Variants in PCDHA2 observed in about 807,000 individuals in gnomAD.
PCDHA2 encodes protocadherin alpha 2.
PCDHA2 carries 58 observed loss-of-function variants against 66.0 expected under a neutral mutation model. That is an observed-to-expected ratio of 0.88 (90% CI 0.71 to 1.09). The LOEUF is 1.09. Among genes scored for constraint, PCDHA2 ranks in the 50% least tolerant of loss-of-function variants. The pLI is 0.00. For missense variants in PCDHA2, 1,267 were observed against 1,242.3 expected, an observed-to-expected ratio of 1.02 and a Z score of -0.30; for synonymous variants, 634 against 554.0, an observed-to-expected ratio of 1.14 and a Z score of -2.03.
intron 1 of PCDHA2, chr5:140,883,364 A>T (rs782725621): frequency 6.2e-7 from 1 of 1,614,168 alleles, no homozygotes; most frequent in African/African-American, 1.3e-5. Context: ...CACTCAGCCT[A>T]GCGCCATTAT....
intron 1 of PCDHA2, among the ~76,000 whole-genome samples, chr5:140,854,895 C>T (rs565255235): frequency 1.1e-4 from 16 of 149,404 alleles, no homozygotes; most frequent in African/African-American, 3.7e-4. Flanking sequence ...ATTTGAAAAG[C>T]GTAAATATAA....
At chr5:140,991,716 A>G (rs1287772391) in intron 3 of PCDHA2, among the ~76,000 whole-genome samples, 1 of 152,164 alleles carries the variant, frequency 6.6e-6, no homozygotes, top group East Asian at 1.9e-4. Flanking sequence ...TATTGCTACT[A>G]GCAGCCTGTT....
chr5:140,882,262 G>A (rs907928710), intron 1 of PCDHA2: 14 of 1,605,126 alleles, frequency 8.7e-6, no homozygotes, highest in Non-Finnish European at 1.2e-5. Flanking sequence ...GGTTTTTGGA[G>A]TGTACCATGC....
chr5:141,005,701 CA>C (rs59860837), intron 3 of PCDHA2, among the ~76,000 whole-genome samples: 201 of 7,776 alleles, frequency 0.026, no homozygotes, highest in African/African-American at 0.052. Flanking sequence ...AACTCCGTCT[CA>C]AAAAAAAAAA....
chr5:140,836,704 C>T (rs189142588), intron 1 of PCDHA2: 1 of 1,613,294 alleles, frequency 6.2e-7, no homozygotes, highest in Admixed American at 1.7e-5. Flanking sequence ...GCCTTCAGTC[C>T]CAGCCTTCCT....
At chr5:140,818,703 T>A (rs553445594) in intron 1 of PCDHA2, among the ~76,000 whole-genome samples, 1 of 152,144 alleles carries the variant, frequency 6.6e-6, no homozygotes, top group African/African-American at 2.4e-5. Flanking sequence ...CTAGATGTGG[T>A]GGTGCACACC....
At chr5:140,835,810 C>T (rs2150245361) in intron 1 of PCDHA2, 3 of 1,612,990 alleles carry the variant, frequency 1.9e-6, no homozygotes, top group Non-Finnish European at 2.5e-6. Flanking sequence ...CACATCTTCA[C>T]TGTGTCGGCG....
intron 1 of PCDHA2, chr5:140,821,904 C>G (rs1360851482): frequency 1.2e-6 from 2 of 1,614,220 alleles, no homozygotes; most frequent in Non-Finnish European, 1.7e-6. Flanking sequence ...ACGGAACCTT[C>G]GTTGGCCGCA....
rs370205855 is a variant in PCDHA2, at chr5:140,802,282, A to T, written c.2388+4930A>T. On this transcript the variant is annotated intron_variant, in intron 1 of 3. Transcript: ENST00000526136. ...TCACTATCTTTACCTGTATTAGAAGACTCTCCACTTAGCACAGTCATCGCT... is the reference window on the plus strand; with the variant it reads ...TCACTATCTTTACCTGTATTAGAAGTCTCTCCACTTAGCACAGTCATCGCT... 1.9e-6 allele frequency: 3 copies of T among 1,614,108 alleles called. No homozygotes were observed. The highest frequency in any genetic ancestry group is 1.6e-4 in the Middle Eastern group (1 of 6,062).
rs59031154 is a variant in PCDHA2 at position 140,884,790 on chromosome 5, T to C, written c.2388+87438T>C. ...TTAATTTTAATTTTGCTAGTTGTTATCGAATTTAACAACTCTGCTGTGGAC... is the reference window on the plus strand; with the variant it reads ...TTAATTTTAATTTTGCTAGTTGTTACCGAATTTAACAACTCTGCTGTGGAC... On this transcript the variant is annotated intron_variant, in intron 1 of 3. Transcript: ENST00000526136. 1.6e-3 allele frequency: 2,209 copies of C among 1,352,036 alleles called. 33 individuals are homozygous for C. In the African/African-American group the frequency reaches 0.03, roughly 18 times the overall value. The allele number at this position is 1,352,036 out of a possible 1,614,324, so 83.8% of individuals were successfully genotyped here.
chr5:140,827,227 G>A (rs1355140573), intron 1 of PCDHA2, among the ~76,000 whole-genome samples: 1 of 152,144 alleles, frequency 6.6e-6, no homozygotes, highest in Non-Finnish European at 1.5e-5. Flanking sequence ...GAAAGGATAT[G>A]GGACAGGGTT....
chr5:140,906,337 C>A (rs2072574983), intron 1 of PCDHA2, among the ~76,000 whole-genome samples: 1 of 152,192 alleles, frequency 6.6e-6, no homozygotes, highest in Non-Finnish European at 1.5e-5. Flanking sequence ...ATCCTTCATA[C>A]AACCAAGAAT....
intron 1 of PCDHA2, among the ~76,000 whole-genome samples, chr5:140,817,982 T>A (rs1766250865): frequency 1.3e-5 from 2 of 152,232 alleles, no homozygotes; most frequent in South Asian, 2.1e-4. Context: ...GTCTAGCTAC[T>A]TTGTATACTT....
intron 1 of PCDHA2, chr5:140,883,531 T>C (rs782406173): frequency 6.8e-6 from 11 of 1,614,092 alleles, no homozygotes; most frequent in Middle Eastern, 1.6e-4. Flanking sequence ...TATCAGCCTA[T>C]GAACTGGTGG....
At chr5:140,798,956 G>C (rs1372763239) in intron 1 of PCDHA2, among the ~76,000 whole-genome samples, 1 of 152,212 alleles carries the variant, frequency 6.6e-6, no homozygotes, top group Middle Eastern at 3.4e-3. Flanking sequence ...CTTACCTTTA[G>C]CCATTTCATA....
intron 3 of PCDHA2, among the ~76,000 whole-genome samples, chr5:140,987,400 C>T (rs1554249169): frequency 1.3e-5 from 2 of 152,090 alleles, no homozygotes; most frequent in Middle Eastern, 3.2e-3. Context: ...AGGAAGCCAT[C>T]TGTTTATGGT....
rs2150198335 is a variant in PCDHA2 at position 140,831,925 on chromosome 5, C to G, written c.2388+34573C>G. Among the ~76,000 whole-genome samples, 3 of 152,254 alleles carry G rather than the reference C, an allele frequency of 2.0e-5. No individual in the cohort carries two copies. In the South Asian group the frequency reaches 6.2e-4, roughly 32 times the overall value. On this transcript the variant is annotated intron_variant, in intron 1 of 3. Transcript: ENST00000526136. ...TAGCAAGTGCTTAAAAAATTTGCTACTAGTTTTCCGAAGAGGAAAAGAAAA... is the reference window on the plus strand; with the variant it reads ...TAGCAAGTGCTTAAAAAATTTGCTAGTAGTTTTCCGAAGAGGAAAAGAAAA...
At chr5:140,978,030 A>T (rs2096786422) in intron 1 of PCDHA2, among the ~76,000 whole-genome samples, 1 of 152,194 alleles carries the variant, frequency 6.6e-6, no homozygotes, top group Non-Finnish European at 1.5e-5. Flanking sequence ...GCTTACTGAT[A>T]CAAGACAGTG....
intron 1 of PCDHA2, among the ~76,000 whole-genome samples, chr5:140,838,930 T>C (rs10059211): frequency 0.025 from 3,848 of 151,876 alleles, 212 homozygotes; most frequent in African/African-American, 0.088. Context: ...TAAAATAAAA[T>C]GAAATAATAA....
Sources: allele counts gnomAD v4.1 joint callset (sites outside exome capture counted in the v4.1 genomes callset), GRCh38; gene constraint gnomAD v4.1.1; transcripts MANE v1.5; gene names NCBI Gene and HGNC (gene_info 2026-07-23, HGNC 2026-07-21).